The following IGF2BP3 variants were observed in gnomAD, a reference collection of about 807,000 sequenced individuals.
The protein encoded by IGF2BP3 is insulin-like growth factor 2 mRNA-binding protein 3.
IGF2BP3 carries 9 observed loss-of-function variants against 73.8 expected under a neutral mutation model. The observed-to-expected ratio is 0.12, with a 90% confidence interval of 0.07 to 0.21. The LOEUF (loss-of-function observed/expected upper bound fraction) is 0.21, where lower values mean the gene tolerates loss of function less well. Ranked by LOEUF, IGF2BP3 falls within the 10% of genes least tolerant of loss-of-function variation. IGF2BP3 has a pLI of 1.00. For missense variants in IGF2BP3, 542 were observed against 714.0 expected (o/e 0.76, Z 2.75); for synonymous variants, 258 against 256.7 (o/e 1.01, Z -0.05).
chr7:23,328,055 T>G (rs1460755058), intron 10 of IGF2BP3, among the ~76,000 whole-genome samples: 3 of 152,154 alleles, frequency 2.0e-5, no homozygotes, highest in Non-Finnish European at 2.9e-5. Flanking sequence ...TCTTTGTCTC[T>G]CTAGACGCCC....
At chr7:23,424,902 AT>A (rs1686286005) in intron 2 of IGF2BP3, among the ~76,000 whole-genome samples, 1 of 152,210 alleles carries the variant, frequency 6.6e-6, no homozygotes, top group Admixed American at 6.5e-5. Flanking sequence ...CCAAATACCC[AT>A]CACCTGTTTC....
intron 5 of IGF2BP3, among the ~76,000 whole-genome samples, chr7:23,356,577 A>C (rs1219285074): frequency 6.6e-5 from 10 of 152,132 alleles, no homozygotes; most frequent in Non-Finnish European, 4.4e-5. Context: ...AATAATACTA[A>C]AATAAATAAA....
intron 3 of IGF2BP3, among the ~76,000 whole-genome samples, chr7:23,377,699 A>C (rs1205196682): frequency 6.6e-6 from 1 of 152,200 alleles, no homozygotes; most frequent in Non-Finnish European, 1.5e-5. Context: ...AATGGAAACA[A>C]CCTAAATGTC....
chr7:23,407,960 CGGGGGG>C (rs57634623), intron 3 of IGF2BP3, among the ~76,000 whole-genome samples: 7 of 65,936 alleles, frequency 1.1e-4, no homozygotes, highest in Non-Finnish European at 2.0e-4. Context: ...GGGCGGGGGG[CGGGGGG>C]GGGGGGAGTC....
At chr7:23,442,030 G>C (rs560213851) in intron 2 of IGF2BP3, among the ~76,000 whole-genome samples, 13 of 152,270 alleles carry the variant, frequency 8.5e-5, no homozygotes, top group Non-Finnish European at 1.8e-4. Context: ...GGGAGGCTGA[G>C]GCATGAGAAT....
Position 23,326,923 on chromosome 7 carries a change from G to A in IGF2BP3, c.1204-7669C>T, listed in dbSNP as rs1426430250. Reference sequence around the variant, plus strand: ...CACACTCTGGGGACTGTTGTGGGGTGGGGGGAGGGGGGAGGGATAGCACTG... The same window carrying A: ...CACACTCTGGGGACTGTTGTGGGGTAGGGGGAGGGGGGAGGGATAGCACTG... On this transcript the variant is annotated intron_variant, in intron 10 of 14. Transcript: ENST00000258729. Among the ~76,000 whole-genome samples the A allele has an allele frequency of 7.6e-5, 9 of 118,546 alleles. No individual in the cohort carries two copies. The South Asian group carries it at 3.1e-3, about 41-fold the overall frequency. The allele number at this position is 118,546 out of a possible 152,430, so 77.8% of individuals were successfully genotyped here.
At chr7:23,426,381 A>G (rs1025381531) in intron 2 of IGF2BP3, among the ~76,000 whole-genome samples, 2 of 151,950 alleles carry the variant, frequency 1.3e-5, no homozygotes, top group Non-Finnish European at 2.9e-5. Flanking sequence ...TTGGGGGGAA[A>G]AAATTTAATG....
intron 3 of IGF2BP3, among the ~76,000 whole-genome samples, chr7:23,391,780 T>C (rs893205311): frequency 7.2e-5 from 11 of 152,138 alleles, no homozygotes; most frequent in African/African-American, 2.7e-4. Flanking sequence ...CACACCCTAG[T>C]TGAATAATTT....
At chr7:23,399,016 T>C (rs1786571459) in intron 3 of IGF2BP3, among the ~76,000 whole-genome samples, 1 of 152,194 alleles carries the variant, frequency 6.6e-6, no homozygotes, top group Non-Finnish European at 1.5e-5. Flanking sequence ...TTGCCTACGT[T>C]TTCTTCTAGG....
chr7:23,358,276 C>A (rs1785144696), intron 5 of IGF2BP3, among the ~76,000 whole-genome samples: 2 of 152,344 alleles, frequency 1.3e-5, no homozygotes, highest in African/African-American at 4.8e-5. Context: ...CATACTTTCA[C>A]AAGTACATCA....
intron 3 of IGF2BP3, among the ~76,000 whole-genome samples, chr7:23,379,645 CA>C (rs1234831791): frequency 1.1e-4 from 16 of 152,170 alleles, no homozygotes; most frequent in Non-Finnish European, 1.8e-4. Flanking sequence ...ATTGCCCTCA[CA>C]GAAGCTCTAT....
chr7:23,440,146 C>G (rs2128544741), intron 2 of IGF2BP3, among the ~76,000 whole-genome samples: 1 of 152,236 alleles, frequency 6.6e-6, no homozygotes, highest in South Asian at 2.1e-4. Flanking sequence ...GCCTGCAGTC[C>G]CAGCTACTCG....
intron 6 of IGF2BP3, among the ~76,000 whole-genome samples, chr7:23,350,476 G>A (rs1479332438): frequency 1.3e-5 from 2 of 152,156 alleles, no homozygotes; most frequent in Non-Finnish European, 2.9e-5. Flanking sequence ...AGGTATGGGG[G>A]GAAGAGTTTG....
chr7:23,355,711 T>C (rs554275463), intron 5 of IGF2BP3, among the ~76,000 whole-genome samples: 19 of 152,124 alleles, frequency 1.2e-4, no homozygotes, highest in Middle Eastern at 3.4e-3. Flanking sequence ...GATGGGTGGA[T>C]CACTTGAGGT....
rs561956764 is a variant in IGF2BP3 at position 23,464,921 on chromosome 7, G to C, written c.236+3561C>G. Among the ~76,000 whole-genome samples, 8 of 152,060 alleles carry C rather than the reference G, an allele frequency of 5.3e-5. No homozygotes were observed. In the South Asian group the frequency reaches 1.7e-3, roughly 32 times the overall value. On this transcript the variant is annotated intron_variant, in intron 2 of 14. Coordinates refer to ENST00000258729, the MANE Select transcript of IGF2BP3 (RefSeq NM_006547.3). The stretch of plus-strand genomic sequence containing the variant: ...TATGCTTAGGTTCTTCATCACATAG[G>C]AGGCAGCAACAACAACAAAAAGGTT...
At chr7:23,318,345 C>T (rs1222544427) in intron 11 of IGF2BP3, among the ~76,000 whole-genome samples, 2 of 152,120 alleles carry the variant, frequency 1.3e-5, no homozygotes, top group Non-Finnish European at 2.9e-5. Context: ...ACCTCAGCCT[C>T]CCAAGCAGCT....
chr7:23,425,108 CTAAG>C (rs1324751995), intron 2 of IGF2BP3, among the ~76,000 whole-genome samples: 2 of 152,214 alleles, frequency 1.3e-5, no homozygotes, highest in Non-Finnish European at 2.9e-5. Flanking sequence ...TAGATATCCA[CTAAG>C]TGTTTATTTC....
chr7:23,425,058 T>C (rs918229580), intron 2 of IGF2BP3, among the ~76,000 whole-genome samples: 3 of 152,234 alleles, frequency 2.0e-5, no homozygotes, highest in African/African-American at 4.8e-5. Context: ...CACAACAGCA[T>C]TACTGCTCCT....
In IGF2BP3 at chr7:23,469,912, G is replaced by C; in HGVS notation, c.175+24C>G. ...CGGTGCAGGGCTGGGGCGAGAGCCC[G>C]GGTGGGGCCAGGCCCGGGCCCACCT... On this transcript the variant is annotated intron_variant, in intron 1 of 14. Transcript: ENST00000258729. This position sits in a 1 kb window ranked among gnomAD's most constrained non-coding sequence, Gnocchi z 6.1. 6.3e-7 allele frequency: 1 copy of C among 1,578,472 alleles called. No homozygotes were observed.
Sources: gnomAD v4.1 joint callset for allele counts (sites outside exome capture counted in the v4.1 genomes callset) on GRCh38, gnomAD v4.1.1 for gene constraint, Gnocchi (gnomAD v3.1) non-coding constraint, MANE v1.5 for transcripts, NCBI Gene and HGNC (gene_info 2026-07-23, HGNC 2026-07-21) for gene names.